Variants in TTC7B observed in about 807,000 individuals in gnomAD.
TTC7B encodes the protein tetratricopeptide repeat protein 7B.
Under a neutral mutation model 106.8 loss-of-function variants are expected in TTC7B, and 28 were observed. The ratio of observed to expected loss-of-function variants is 0.26; its 90% CI spans 0.19 to 0.36. The LOEUF is 0.36. TTC7B is among the 10% of genes least tolerant of loss of function. TTC7B has a pLI of 1.00. For synonymous variants in TTC7B, 405 were observed against 430.6 expected (o/e 0.94, Z 0.74); for missense variants, 862 against 1,076.4 (o/e 0.80, Z 2.79).
intron 18 of TTC7B, among the ~76,000 whole-genome samples, chr14:90,583,286 G>A (rs911628175): frequency 6.6e-6 from 1 of 152,166 alleles, no homozygotes; most frequent in African/African-American, 2.4e-5. Flanking sequence ...CCTCAGCAGA[G>A]GATCTACAGG....
chr14:90,730,054 A>T (rs943258735), intron 5 of TTC7B, 21 bp downstream of exon 5: 2 of 1,589,052 alleles, frequency 1.3e-6, no homozygotes. Flanking sequence ...AAGTGGATTT[A>T]AAAAAATGAA....
At chr14:90,602,204 G>C (rs761352724) in intron 17 of TTC7B, 6 of 455,888 alleles carry the variant, frequency 1.3e-5, no homozygotes, top group African/African-American at 1.2e-4. Flanking sequence ...TGATTTCCTA[G>C]GGTGGAAAAA....
At chr14:90,767,035 AAAAAAAAAAAG>A (rs959697435) in intron 3 of TTC7B, 3 of 828,752 alleles carry the variant, frequency 3.6e-6, no homozygotes, top group African/African-American at 3.6e-5. Context: ...TACCAAAAAA[AAAAAAAAAAAG>A]AAAGAAAGGA....
intron 4 of TTC7B, among the ~76,000 whole-genome samples, chr14:90,731,572 T>G (rs1173214107): frequency 6.6e-6 from 1 of 152,130 alleles, no homozygotes; most frequent in Admixed American, 6.5e-5. Context: ...GATCCCAGCA[T>G]CTTATAGAAA....
chr14:90,816,059 C>A, intron 1 of TTC7B, 116 bp downstream of exon 1: 1 of 971,174 alleles, frequency 1.0e-6, no homozygotes, highest in Non-Finnish European at 1.2e-6. Context: ...GCCGCAGCTC[C>A]CTCGCGGCCC....
intron 5 of TTC7B, among the ~76,000 whole-genome samples, chr14:90,722,424 T>C (rs1888933226): frequency 6.6e-6 from 1 of 152,198 alleles, no homozygotes. Flanking sequence ...ACCCTGTTCT[T>C]GACCCTTCCC....
intron 19 of TTC7B, among the ~76,000 whole-genome samples, chr14:90,568,356 G>C (rs1042054465): frequency 6.6e-6 from 1 of 152,144 alleles, no homozygotes; most frequent in Non-Finnish European, 1.5e-5. Context: ...GAAATAACGG[G>C]GCAGAATTTC....
intron 17 of TTC7B, among the ~76,000 whole-genome samples, chr14:90,598,875 T>C (rs1749734): frequency 0.24 from 36,606 of 152,110 alleles, 4,478 homozygotes; most frequent in African/African-American, 0.29. Context: ...AGGCTGGGCG[T>C]GGTGGCTCAC....
In TTC7B at chr14:90,775,786, G is replaced by C. The variant is rs1272753265; in HGVS notation, c.445+4952C>G. 2.0e-5 allele frequency among the ~76,000 whole-genome samples: 3 copies of C among 152,090 alleles called. No individual in the cohort carries two copies. In the East Asian group the frequency reaches 5.8e-4, roughly 29 times the overall value. The stretch of plus-strand genomic sequence containing the variant: ...TGCATGGGAGATGACTGTGCTGGTG[G>C]GAGATGACCGTGCTGGCCCCATTTG... On this transcript the variant is annotated intron_variant, in intron 3 of 19. Transcript: ENST00000328459.
chr14:90,816,209 G>T lies in TTC7B; in HGVS notation c.87C>A (p.Leu29=). 1 of 1,270,836 alleles carries T rather than the reference G, an allele frequency of 7.9e-7. No homozygotes were observed. 78.7% of individuals were successfully genotyped at this position (1,270,836 alleles called of 1,614,324 possible). The change falls in exon 1 of 20, where the codon CTC becomes CTA. Residue 29 remains leucine, a synonymous_variant. Transcript: ENST00000328459. ...TGAGCTTGGCCGACAGCTGCTTGAC[G>T]AGCTCAGGGATCCGCTCCCACTGGC... ...SECQWERIPE[L]VKQLSAKLIA... is the part of the protein sequence containing the mutation.
intron 17 of TTC7B, among the ~76,000 whole-genome samples, chr14:90,607,980 T>C (rs1027776494): frequency 1.3e-5 from 2 of 152,252 alleles, no homozygotes; most frequent in Admixed American, 1.3e-4. Flanking sequence ...CAAACTTCTC[T>C]ACAGCACCTT....
intron 3 of TTC7B, among the ~76,000 whole-genome samples, chr14:90,748,636 A>T (rs1338664214): frequency 6.6e-6 from 1 of 152,148 alleles, no homozygotes; most frequent in Non-Finnish European, 1.5e-5. Context: ...TCCTACTTTA[A>T]ATGATATTAT....
At chr14:90,788,929 C>A (rs182039997) in intron 1 of TTC7B, among the ~76,000 whole-genome samples, 13 of 151,586 alleles carry the variant, frequency 8.6e-5, no homozygotes, top group Admixed American at 7.9e-4. Context: ...TGCCACTGCA[C>A]TCCAGCTTGG....
intron 5 of TTC7B, among the ~76,000 whole-genome samples, chr14:90,714,575 G>C (rs1399551957): frequency 6.6e-6 from 1 of 151,630 alleles, no homozygotes; most frequent in Non-Finnish European, 1.5e-5. Flanking sequence ...TCCTGCCTCA[G>C]CCTCTCGAGT....
intron 2 of TTC7B, among the ~76,000 whole-genome samples, chr14:90,785,245 G>A (rs925510467): frequency 6.6e-6 from 1 of 152,152 alleles, no homozygotes; most frequent in African/African-American, 2.4e-5. Flanking sequence ...TTCCCGGGGG[G>A]AAGCGTGCAC....
chr14:90,646,937 T>TA lies in TTC7B; in HGVS notation c.1590+13_1590+14insT. ...CAGAGTGCAGCAAGTATAGGAAACA[T>TA]TAGAGAAACTGACCTGTCTGGAGAT... On this transcript the variant is annotated intron_variant, in intron 14 of 19. Coordinates refer to ENST00000328459, the MANE Select transcript of TTC7B (RefSeq NM_001010854.2). 6.2e-7 allele frequency: 1 copy of TA among 1,611,556 alleles called. No homozygotes were observed. Among genetic ancestry groups the TA allele is most frequent in the Non-Finnish European group, 8.5e-7 (1 of 1,177,664 alleles).
chr14:90,743,217 T>C (rs1295460686), intron 4 of TTC7B, among the ~76,000 whole-genome samples: 2 of 152,210 alleles, frequency 1.3e-5, no homozygotes, highest in African/African-American at 4.8e-5. Context: ...AACCATGGCT[T>C]ATAATCCATT....
Position 90,545,783 on chromosome 14 carries a change from T to C in TTC7B, c.2311-4194A>G, listed in dbSNP as rs553020072. 2.6e-5 allele frequency among the ~76,000 whole-genome samples: 4 copies of C among 152,342 alleles called. No individual in the cohort carries two copies. In the East Asian group the frequency reaches 7.7e-4, roughly 29 times the overall value. ...CATGTCTAACTGCCCTCAAAAGTCCTGCAGAGAACCAACCCCGAGGGGCTA... is the reference window on the plus strand; with the variant it reads ...CATGTCTAACTGCCCTCAAAAGTCCCGCAGAGAACCAACCCCGAGGGGCTA... On this transcript the variant is annotated intron_variant, in intron 19 of 19. Coordinates refer to ENST00000328459, the MANE Select transcript of TTC7B (RefSeq NM_001010854.2).
Position 90,532,099 on chromosome 14 carries a change from G to A in TTC7B, c.*9269C>T, listed in dbSNP as rs1889302421. On this transcript the variant is annotated 3_prime_UTR_variant, in exon 20 of 20. Coordinates refer to ENST00000328459, the MANE Select transcript of TTC7B (RefSeq NM_001010854.2). ...GGAGGATCACTTGAGCCTGGGAGGTGGAGGCTGCAGTGAACTGAGATCGTG... is the reference window on the plus strand; with the variant it reads ...GGAGGATCACTTGAGCCTGGGAGGTAGAGGCTGCAGTGAACTGAGATCGTG... 1 of 152,174 alleles carries A rather than the reference G, an allele frequency of 6.6e-6. No individual in the cohort carries two copies. Among genetic ancestry groups the A allele is most frequent in the African/African-American group, 2.4e-5 (1 of 41,424 alleles). The allele number at this position is 152,174 out of a possible 1,614,324, so 9.4% of individuals were successfully genotyped here.
Sources: allele counts gnomAD v4.1 joint callset (sites outside exome capture counted in the v4.1 genomes callset), GRCh38; gene constraint gnomAD v4.1.1; transcripts MANE v1.5; gene names NCBI Gene and HGNC (gene_info 2026-07-23, HGNC 2026-07-21).